Variants in PLXDC1 observed in about 807,000 individuals in gnomAD.
PLXDC1 encodes plexin domain containing 1.
Under a neutral mutation model 61.3 loss-of-function variants are expected in PLXDC1, and 39 were observed. The observed-to-expected ratio is 0.64, with a 90% CI of 0.49 to 0.83. The LOEUF is 0.83. PLXDC1 is among the 40% of genes least tolerant of loss of function. The probability of loss-of-function intolerance (pLI) is 0.00; values close to 1 mark genes in which losing one functional copy is unlikely to be tolerated. For synonymous variants in PLXDC1, 212 were observed against 254.5 expected, an observed-to-expected ratio of 0.83 and a Z score of 1.59; for missense variants, 596 against 666.5, an observed-to-expected ratio of 0.89 and a Z score of 1.17.
rs1910712764 is a variant in PLXDC1 at position 39,109,322 on chromosome 17, C to T, written c.325G>A (p.Val109Ile). ...PSEPHSRELWVDVAEANRSQV... is the reference protein window; with the variant it reads ...PSEPHSRELWIDVAEANRSQV... Reference sequence around the variant, plus strand: ...CTCCGGTTGGCCTCGGCCACATCTACCCACAGTTCCCGGCTGTGGGGCTCG... The same window carrying T: ...CTCCGGTTGGCCTCGGCCACATCTATCCACAGTTCCCGGCTGTGGGGCTCG... Residue 109 changes from valine to isoleucine, a missense_variant, in exon 3 of 14, where the codon GTA becomes ATA. By Grantham distance (29) the Val-to-Ile change is conservative. Transcript: ENST00000315392. 4 of 1,612,024 alleles carry T rather than the reference C, an allele frequency of 2.5e-6. No homozygotes were observed. Among genetic ancestry groups the T allele is most frequent in the Non-Finnish European group, 3.4e-6 (4 of 1,179,444 alleles).
chr17:39,079,077 G>A (rs763496125), intron 10 of PLXDC1, 27 bp downstream of exon 10: 1 of 1,600,380 alleles, frequency 6.2e-7, no homozygotes, highest in Non-Finnish European at 8.6e-7. Context: ...TGGCACAGGA[G>A]TTGCAGCAGA....
chr17:39,083,362 G>A, intron 9 of PLXDC1, 97 bp downstream of exon 9: 3 of 858,650 alleles, frequency 3.5e-6, no homozygotes, highest in African/African-American at 1.7e-5. Context: ...CTCTCATGTT[G>A]GCTGACTGTG....
intron 5 of PLXDC1, chr17:39,107,860 T>C (rs1910654178): frequency 1.7e-6 from 1 of 572,260 alleles, no homozygotes; most frequent in East Asian, 2.9e-5. Context: ...CTGGTGAATG[T>C]AAGTAACAAT....
chr17:39,150,785 A>G (rs1262231117), intron 1 of PLXDC1, among the ~76,000 whole-genome samples: 1 of 152,172 alleles, frequency 6.6e-6, no homozygotes, highest in Non-Finnish European at 1.5e-5. Context: ...GTGCAGAAGC[A>G]GCAAGTTGCT....
At position 39,151,275 on chromosome 17, in the gene PLXDC1, A is replaced by C; in HGVS notation, c.76+87T>G. 9.7e-7 allele frequency: 1 copy of C among 1,032,524 alleles called. No homozygotes were observed. Among genetic ancestry groups the C allele is most frequent in the Non-Finnish European group, 1.2e-6 (1 of 802,900 alleles). 64.0% of individuals were successfully genotyped at this position (1,032,524 alleles called of 1,614,324 possible). A position where few individuals can be genotyped will look rare whatever the true frequency, so the allele number is the denominator to read the frequency against. ...CAATGCCCCCCTCGCGGACATCGCC[A>C]GGCCGTCCACACCTGCCCATGCCCA... On this transcript the variant is annotated intron_variant, in intron 1 of 13. Transcript: ENST00000315392. The surrounding 1 kb of genome is among the most constrained non-coding windows in gnomAD (Gnocchi z 5.2).
At chr17:39,088,073 C>G (rs540606041) in intron 7 of PLXDC1, among the ~76,000 whole-genome samples, 2 of 152,228 alleles carry the variant, frequency 1.3e-5, no homozygotes, top group Non-Finnish European at 2.9e-5. Context: ...AGGGCCACTT[C>G]CCCTGAGCAG....
rs3025191 is a variant in PLXDC1, at chr17:39,151,124, T to C, written c.76+238A>G. On this transcript the variant is annotated intron_variant, in intron 1 of 13. Transcript: ENST00000315392. The surrounding 1 kb of genome is among the most constrained non-coding windows in gnomAD (Gnocchi z 5.2). ...CTCTCCTAAGGTCCCTCCAGTATCC[T>C]TCCAGGAGAGAAGGAGAGGTCCGGG... Among the ~76,000 whole-genome samples, 5,258 of 152,234 alleles carry C rather than the reference T, an allele frequency of 0.035. 271 individuals carry two copies. The highest frequency in any genetic ancestry group is 0.11 in the African/African-American group (4,657 of 41,496).
chr17:39,067,882 C>T lies in PLXDC1; in HGVS notation c.1461G>A (p.Ser487=), dbSNP rs148824323. 5.0e-6 allele frequency: 8 copies of T among 1,613,734 alleles called. No homozygotes were observed. The highest frequency in any genetic ancestry group is 2.7e-5 in the African/African-American group (2 of 74,916). The change falls in exon 14 of 14, where the codon TCG becomes TCA. Residue 487 remains serine (S), a synonymous_variant. Transcript: ENST00000315392. Reference sequence around the variant, plus strand: ...CCATGAAGCCCTCCTTCTCATGGCCCGAGGGCTCCACCTCCGCATAGGTGG... The same window carrying T: ...CCATGAAGCCCTCCTTCTCATGGCCTGAGGGCTCCACCTCCGCATAGGTGG... ...DHSTYAEVEP[S]GHEKEGFMEA...
At chr17:39,142,327 C>G (rs938212549) in intron 1 of PLXDC1, among the ~76,000 whole-genome samples, 7 of 152,180 alleles carry the variant, frequency 4.6e-5, no homozygotes, top group Non-Finnish European at 1.0e-4. Context: ...AGAGGCACTC[C>G]AACTGAGAAT....
chr17:39,065,615 A>G lies in PLXDC1; in HGVS notation c.*2225T>C, dbSNP rs3760154. ...GGTCTCAAACCCCTGGGCTCAAGCA[A>G]CCCTCCCACCTCAGCCTCCCAAAGT... On this transcript the variant is annotated 3_prime_UTR_variant, in exon 14 of 14. Transcript: ENST00000315392. The G allele has an allele frequency of 0.01, 1,393 of 135,894 alleles. 61 individuals carry two copies. In the East Asian group the frequency reaches 0.12, roughly 11 times the overall value. The allele number at this position is 135,894 out of a possible 1,614,324, so 8.4% of individuals were successfully genotyped here. A position where few individuals can be genotyped will look rare whatever the true frequency, so the allele number is the denominator to read the frequency against.
chr17:39,091,522 T>G (rs1909950534), intron 7 of PLXDC1, among the ~76,000 whole-genome samples: 1 of 152,024 alleles, frequency 6.6e-6, no homozygotes, highest in African/African-American at 2.4e-5. Flanking sequence ...GGGAACTTGC[T>G]CCTCCTCAGG....
chr17:39,082,777 C>G (rs758686435), intron 9 of PLXDC1, among the ~76,000 whole-genome samples: 1 of 152,224 alleles, frequency 6.6e-6, no homozygotes, highest in Non-Finnish European at 1.5e-5. Context: ...GGGAACAGAG[C>G]TTGAATGCTG....
intron 2 of PLXDC1, among the ~76,000 whole-genome samples, chr17:39,128,097 G>GTGTGTGTATATATATATA (rs1911379292): frequency 1.5e-5 from 1 of 67,476 alleles, no homozygotes; most frequent in Admixed American, 1.5e-4. Flanking sequence ...CTCTCTATGT[G>GTGTGTGTATATATATATA]TATATATATA....
At position 39,066,613 on chromosome 17, in the gene PLXDC1, T is replaced by A. The variant is rs1355366943; in HGVS notation, c.*1227A>T. ...TTCTTTTTTTTTTTTTGAGACGGAGTCTCGCTCTGTCACCCAGGCTGGAGT... is the reference window on the plus strand; with the variant it reads ...TTCTTTTTTTTTTTTTGAGACGGAGACTCGCTCTGTCACCCAGGCTGGAGT... On this transcript the variant is annotated 3_prime_UTR_variant, in exon 14 of 14. Coordinates refer to ENST00000315392, the MANE Select transcript of PLXDC1 (RefSeq NM_020405.5). 6.6e-6 allele frequency: 1 copy of A among 150,378 alleles called. No individual in the cohort carries two copies. Among genetic ancestry groups the A allele is most frequent in the African/African-American group, 2.5e-5 (1 of 40,716 alleles). 9.3% of individuals were successfully genotyped at this position (150,378 alleles called of 1,614,324 possible).
Position 39,109,252 on chromosome 17 carries a change from G to C in PLXDC1, c.395C>G (p.Ala132Gly). 1.2e-6 allele frequency: 2 copies of C among 1,604,984 alleles called. No individual in the cohort carries two copies. The highest frequency in any genetic ancestry group is 1.7e-6 in the Non-Finnish European group (2 of 1,174,466). ...HTILSNTHRQ[A>G]SRVVLSFDFP... Reference sequence around the variant, plus strand: ...GCTGGCGACTGGGGCACTCACCGAAGCCTGCCGGTGGGTGTTGGAGAGTAT... The same window carrying C: ...GCTGGCGACTGGGGCACTCACCGAACCCTGCCGGTGGGTGTTGGAGAGTAT... Residue 132 changes from alanine (A) to glycine (G), a missense_variant, in exon 3 of 14, where the codon GCT becomes GGT. Physicochemically the swap from Ala to Gly is moderately conservative, Grantham distance 60 (BLOSUM62 0). Transcript: ENST00000315392.
chr17:39,140,787 A>G (rs945692903), intron 1 of PLXDC1, among the ~76,000 whole-genome samples: 4 of 152,196 alleles, frequency 2.6e-5, no homozygotes, highest in Non-Finnish European at 5.9e-5. Context: ...CTTTTCGTTC[A>G]GGGCTTCTCA....
At chr17:39,128,089 C>CATATA (rs1221469686) in intron 2 of PLXDC1, among the ~76,000 whole-genome samples, 2,670 of 68,628 alleles carry the variant, frequency 0.039, 204 homozygotes, top group African/African-American at 0.068. Context: ...CTCTCTCTCT[C>CATATA]TCTATGTGTA....
Position 39,151,593 on chromosome 17 carries a change from G to A in PLXDC1, c.-156C>T, listed in dbSNP as rs1306835807. 3 of 1,160,658 alleles carry A rather than the reference G, an allele frequency of 2.6e-6. No homozygotes were observed. The highest frequency in any genetic ancestry group is 3.2e-5 in the African/African-American group (2 of 61,640). The allele number at this position is 1,160,658 out of a possible 1,614,324, so 71.9% of individuals were successfully genotyped here. ...CGCGGGGCCGGGCGAGCCGGCAGGA[G>A]CGGCGAGAGCGCGAGCGGAGCTGGA... On this transcript the variant is annotated 5_prime_UTR_variant, in exon 1 of 14. Transcript: ENST00000315392. The surrounding 1 kb of genome is among the most constrained non-coding windows in gnomAD (Gnocchi z 5.2).
At chr17:39,084,658 G>T (rs534888519) in intron 8 of PLXDC1, among the ~76,000 whole-genome samples, 3 of 152,332 alleles carry the variant, frequency 2.0e-5, no homozygotes, top group Non-Finnish European at 4.4e-5. Flanking sequence ...ACTGCTACCA[G>T]GCTGCACAGA....
Sources: allele counts gnomAD v4.1 joint callset (sites outside exome capture counted in the v4.1 genomes callset), GRCh38; gene constraint gnomAD v4.1.1; non-coding constraint Gnocchi (gnomAD v3.1); transcripts MANE v1.5; gene names NCBI Gene and HGNC (gene_info 2026-07-23, HGNC 2026-07-21).